Variants in ADGRE1 observed in about 807,000 individuals in gnomAD.
ADGRE1 encodes the protein EGF-like module receptor 1.
Under a neutral mutation model 102.7 loss-of-function variants are expected in ADGRE1, and 82 were observed. The ratio of observed to expected loss-of-function variants is 0.80; its 90% CI spans 0.67 to 0.96. ADGRE1 has a LOEUF of 0.96. Among genes scored for constraint, ADGRE1 ranks in the 40% least tolerant of loss-of-function variants. The pLI is 0.00. For missense variants in ADGRE1, 1,032 were observed against 1,085.3 expected (o/e 0.95, Z 0.69); for synonymous variants, 398 against 399.6 (o/e 1.00, Z 0.05).
chr19:6,888,948 G>A (rs897455608), intron 1 of ADGRE1, among the ~76,000 whole-genome samples: 1 of 152,146 alleles, frequency 6.6e-6, no homozygotes, highest in African/African-American at 2.4e-5. Flanking sequence ...TAATGATAGT[G>A]ATGATAATGA....
intron 13 of ADGRE1, among the ~76,000 whole-genome samples, chr19:6,920,575 G>A (rs1288996862): frequency 7.8e-6 from 1 of 127,814 alleles, no homozygotes; most frequent in East Asian, 2.4e-4. Context: ...CCAGGCTGGA[G>A]TTCAATGGTG....
chr19:6,897,255 C>A lies in ADGRE1; in HGVS notation c.345C>A (p.Pro115=). The change falls in exon 4 of 21, where the codon CCC becomes CCA. Residue 115 remains proline (P), a synonymous_variant. Coordinates refer to ENST00000312053, the MANE Select transcript of ADGRE1 (RefSeq NM_001974.5). The part of the protein sequence containing the change: ...KCSCLDGFSS[P]TGNDWVPGKP... ...GCTGTTTAGATGGTTTCTCTTCTCC[C>A]ACTGGAAATGACTGGGTCCCAGGAA... 2 of 1,613,826 alleles carry A rather than the reference C, an allele frequency of 1.2e-6. No homozygotes were observed. The highest frequency in any genetic ancestry group is 2.2e-5 in the South Asian group (2 of 91,042).
At chr19:6,901,721 C>T (rs1410831601) in intron 5 of ADGRE1, among the ~76,000 whole-genome samples, 154 bp from the exon 6 acceptor site, 1 of 152,182 alleles carries the variant, frequency 6.6e-6, no homozygotes, top group African/African-American at 2.4e-5. Context: ...AAATATGTCC[C>T]ACTGTGTGCC....
At position 6,937,304 on chromosome 19, in the gene ADGRE1, A is replaced by G; in HGVS notation, c.2443A>G (p.Ile815Val). The G allele has an allele frequency of 1.2e-6, 2 of 1,613,860 alleles. No homozygotes were observed. Among genetic ancestry groups the G allele is most frequent in the Non-Finnish European group, 1.7e-6 (2 of 1,179,972 alleles). Residue 815 changes from isoleucine to valine, a missense_variant, in exon 19 of 21, where the codon ATT becomes GTT. By Grantham distance (29) the Ile-to-Val change is conservative. Coordinates refer to ENST00000312053, the MANE Select transcript of ADGRE1 (RefSeq NM_001974.5). ...CCTGGGCTGCTCCTGGGTGCTGGGC[A>G]TTTTTCAGATTGGACCTGTGGCAGG... ...FILGCSWVLG[I>V]FQIGPVAGVM...
chr19:6,893,283 C>T (rs142737231), intron 2 of ADGRE1, among the ~76,000 whole-genome samples: 103 of 152,172 alleles, frequency 6.8e-4, no homozygotes, highest in African/African-American at 2.2e-3. Context: ...CCACAACCTC[C>T]GCCTCCCCAG....
At chr19:6,935,832 A>G (rs543740157) in intron 18 of ADGRE1, among the ~76,000 whole-genome samples, 77 of 152,164 alleles carry the variant, frequency 5.1e-4, no homozygotes, top group Non-Finnish European at 1.0e-3. Flanking sequence ...GAGAATACCT[A>G]TTTACTTGCA....
At chr19:6,902,096 T>A in intron 6 of ADGRE1, 75 bp downstream of exon 6, 72 of 1,523,244 alleles carry the variant, frequency 4.7e-5, no homozygotes, top group Non-Finnish European at 5.8e-5. Context: ...TTAGGGTGGG[T>A]CTTGGTTGAG....
chr19:6,893,268 G>A (rs1973440440), intron 2 of ADGRE1, among the ~76,000 whole-genome samples: 1 of 151,988 alleles, frequency 6.6e-6, no homozygotes, highest in South Asian at 2.1e-4. Flanking sequence ...CGCAATCTTG[G>A]GTCACCACAA....
intron 13 of ADGRE1, among the ~76,000 whole-genome samples, chr19:6,920,614 C>T (rs939453251): frequency 5.4e-5 from 8 of 148,442 alleles, no homozygotes; most frequent in African/African-American, 1.7e-4. Flanking sequence ...ACCCTCACCT[C>T]CTCGGGTAAA....
At position 6,903,820 on chromosome 19, in the gene ADGRE1, A is replaced by G; in HGVS notation, c.672A>G (p.Glu224=). The change falls in exon 7 of 21, where the codon GAA becomes GAG. Residue 224 remains glutamate (E), a synonymous_variant. Transcript: ENST00000312053. ...TTCTGTACCCCACAGATATTGATGA[A>G]TGCACTGAAATGTGCCCCATCAATT... ...GLKASCEDID[E]CTEMCPINST... is the part of the protein sequence containing the mutation. 6.2e-7 allele frequency: 1 copy of G among 1,614,092 alleles called. No individual in the cohort carries two copies. Among genetic ancestry groups the G allele is most frequent in the Non-Finnish European group, 8.5e-7 (1 of 1,179,978 alleles).
At chr19:6,924,919 C>T (rs772212426) in intron 15 of ADGRE1, 47 bp downstream of exon 15, 1 of 1,591,802 alleles carries the variant, frequency 6.3e-7, no homozygotes, top group South Asian at 1.1e-5. Context: ...ATCTTCTCCC[C>T]ACCTGCCTCA....
rs146573580 is a variant in ADGRE1 at position 6,894,674 on chromosome 19, A to G, written c.95-1724A>G. 2.1e-3 allele frequency among the ~76,000 whole-genome samples: 314 copies of G among 152,312 alleles called. 2 individuals are homozygous for G. Among genetic ancestry groups the G allele is most frequent in the African/African-American group, 7.3e-3 (302 of 41,564 alleles). Reference sequence around the variant, plus strand: ...TTTATTTCTAAGGAGAACAAAGAGCATTATAGGCAAGGGGTGGAGGTGGGA... The same window carrying G: ...TTTATTTCTAAGGAGAACAAAGAGCGTTATAGGCAAGGGGTGGAGGTGGGA... On this transcript the variant is annotated intron_variant, in intron 2 of 20. Coordinates refer to ENST00000312053, the MANE Select transcript of ADGRE1 (RefSeq NM_001974.5).
intron 11 of ADGRE1, 54 bp from the exon 12 acceptor site, chr19:6,916,195 T>G: frequency 1.9e-6 from 3 of 1,580,576 alleles, no homozygotes; most frequent in Non-Finnish European, 2.6e-6. Flanking sequence ...AGAAACCAAA[T>G]TCAGGACTGA....
intron 5 of ADGRE1, among the ~76,000 whole-genome samples, chr19:6,901,066 C>T (rs1973748121): frequency 6.6e-6 from 1 of 152,216 alleles, no homozygotes; most frequent in South Asian, 2.1e-4. Flanking sequence ...CCCACTCTGT[C>T]CATCTTCCAG....
intron 12 of ADGRE1, among the ~76,000 whole-genome samples, chr19:6,917,817 G>A (rs1290182886): frequency 6.6e-6 from 1 of 151,672 alleles, no homozygotes; most frequent in Non-Finnish European, 1.5e-5. Flanking sequence ...GGCACAGAAA[G>A]CCTTGGAAAG....
chr19:6,932,332 G>T (rs1337192919), intron 17 of ADGRE1, among the ~76,000 whole-genome samples: 1 of 152,076 alleles, frequency 6.6e-6, no homozygotes, highest in Non-Finnish European at 1.5e-5. Flanking sequence ...GCCAGGCGTG[G>T]TGGTGCACGC....
intron 6 of ADGRE1, 48 bp from the exon 7 acceptor site, chr19:6,903,762 G>A (rs749245365): frequency 5.6e-6 from 9 of 1,606,226 alleles, no homozygotes; most frequent in Admixed American, 5.1e-5. Context: ...GCATGATTTT[G>A]TTGGCTCATT....
chr19:6,911,848 C>A (rs1974204144), intron 10 of ADGRE1, among the ~76,000 whole-genome samples: 1 of 151,188 alleles, frequency 6.6e-6, no homozygotes, highest in Non-Finnish European at 1.5e-5. Flanking sequence ...ACACCCCACA[C>A]ACATTTACAC....
chr19:6,894,631 A>G (rs2144886913), intron 2 of ADGRE1, among the ~76,000 whole-genome samples: 1 of 152,320 alleles, frequency 6.6e-6, no homozygotes, highest in East Asian at 1.9e-4. Context: ...TTTGCAGTTC[A>G]TGTTGAGTAA....
Sources: gnomAD v4.1 joint callset for allele counts (sites outside exome capture counted in the v4.1 genomes callset) on GRCh38, gnomAD v4.1.1 for gene constraint, MANE v1.5 for transcripts, NCBI Gene and HGNC (gene_info 2026-07-23, HGNC 2026-07-21) for gene names.